Variants in TMEM63A observed in about 807,000 individuals in gnomAD.
The protein encoded by TMEM63A is transmembrane protein 63A, also known as mechanosensitive cation channel TMEM63A.
Under a neutral mutation model 100.6 loss-of-function variants are expected in TMEM63A, and 76 were observed. That is an observed-to-expected ratio of 0.76 (90% CI 0.63 to 0.91). TMEM63A has a LOEUF of 0.91. TMEM63A is among the 40% of genes least tolerant of loss of function. The probability of loss-of-function intolerance (pLI) is 0.00; values close to 1 mark genes in which losing one functional copy is unlikely to be tolerated. For missense variants in TMEM63A, 876 were observed against 1,008.8 expected (o/e 0.87, Z 1.78); for synonymous variants, 401 against 401.1 (o/e 1.00, Z 0.00).
intron 15 of TMEM63A, among the ~76,000 whole-genome samples, chr1:225,858,394 C>T (rs911342164): frequency 6.9e-6 from 1 of 144,494 alleles, no homozygotes; most frequent in Non-Finnish European, 1.5e-5. Context: ...GGTGCAATCT[C>T]GGCTTACTGC....
intron 3 of TMEM63A, among the ~76,000 whole-genome samples, chr1:225,876,674 G>A (rs1157022946): frequency 6.6e-6 from 1 of 150,462 alleles, no homozygotes; most frequent in East Asian, 1.9e-4. Context: ...TTGAGACAGC[G>A]TCTCGCTCTT....
chr1:225,856,693 CAAGAAT>C lies in TMEM63A; in HGVS notation c.1524_1529del (p.Ile508_Leu510delinsMet). Reference sequence around the variant, plus strand: ...AGGGCAGGATCAGCACCATGAAGATCAAGAATATGTAGACTTTGGTCATCATGATCT... The same window carrying C: ...AGGGCAGGATCAGCACCATGAAGATCATGTAGACTTTGGTCATCATGATCT... On this transcript the variant is annotated inframe_deletion, in exon 17 of 25. Transcript: ENST00000366835. 1 of 1,613,760 alleles carries C rather than the reference CAAGAAT, an allele frequency of 6.2e-7. No individual in the cohort carries two copies. Among genetic ancestry groups the C allele is most frequent in the Non-Finnish European group, 8.5e-7 (1 of 1,179,944 alleles).
Position 225,867,248 on chromosome 1 carries a change from T to C in TMEM63A, c.515-85A>G. On this transcript the variant is annotated intron_variant, in intron 7 of 24. Transcript: ENST00000366835. The surrounding 1 kb of genome is among the most constrained non-coding windows in gnomAD (Gnocchi z 4.6). ...ACCAATCAGCCTTGGTTTGTGGAGC[T>C]CTGGGGAGGAGGAGCATGTCTGGAC... 7.2e-7 allele frequency: 1 copy of C among 1,380,558 alleles called. No individual in the cohort carries two copies. Among genetic ancestry groups the C allele is most frequent in the Admixed American group, 1.7e-5 (1 of 59,720 alleles). 85.5% of individuals were successfully genotyped at this position (1,380,558 alleles called of 1,614,324 possible).
At chr1:225,876,474 GCATTTGTGAAAAGAA>G (rs1670808635) in intron 3 of TMEM63A, among the ~76,000 whole-genome samples, 1 of 152,154 alleles carries the variant, frequency 6.6e-6, no homozygotes, top group African/African-American at 2.4e-5. Context: ...CCAGCCCATG[GCATTTGTGAAAAGAA>G]GGGGCACTTT....
intron 24 of TMEM63A, 41 bp downstream of exon 24, chr1:225,846,993 C>T (rs778619879): frequency 7.0e-6 from 11 of 1,566,110 alleles, no homozygotes; most frequent in South Asian, 1.2e-5. Context: ...TGTCTTCTCA[C>T]CCCACAGGCT....
At chr1:225,859,572 A>C (rs1669828812) in intron 14 of TMEM63A, 1 of 567,438 alleles carries the variant, frequency 1.8e-6, no homozygotes, top group African/African-American at 1.9e-5. Flanking sequence ...GGGGGCCAGA[A>C]CCTACCCAAA....
intron 3 of TMEM63A, among the ~76,000 whole-genome samples, chr1:225,876,418 A>G (rs545049390): frequency 2.1e-3 from 320 of 152,230 alleles, no homozygotes; most frequent in Admixed American, 3.8e-3. Context: ...CCCTTCACTC[A>G]GATGGTCTCT....
downstream of TMEM63A, chr1:225,842,480 GCCCTGGTTTGCCCCTGCAGTCATGA>G (rs1420805269): frequency 3.1e-6 from 5 of 1,592,698 alleles, no homozygotes; most frequent in Non-Finnish European, 4.3e-6. Flanking sequence ...GAAAGGTGAG[GCCCTGGTTTGCCCCTGCAGTCATGA>G]CCCTGGTCCC....
At chr1:225,844,560 TCTC>T (rs745827671), downstream of TMEM63A, 107 of 1,614,002 alleles carry the variant, frequency 6.6e-5, 1 homozygote, top group South Asian at 5.5e-5. Flanking sequence ...GGCACCATCA[TCTC>T]CTCCCAGCGC....
Position 225,853,761 on chromosome 1 carries a change from G to A in TMEM63A, c.1665C>T (p.Phe555=). ...ECVFLPDQGA[F]FVNYVIASAF... Reference sequence around the variant, plus strand: ...CCGAGGCGATGACATAGTTCACAAAGAAGGCACCCTGGTCAGGCAGGAAGA... The same window carrying A: ...CCGAGGCGATGACATAGTTCACAAAAAAGGCACCCTGGTCAGGCAGGAAGA... Residue 555 remains phenylalanine, a synonymous_variant, in exon 19 of 25, where the codon TTC becomes TTT. Coordinates refer to ENST00000366835, the MANE Select transcript of TMEM63A (RefSeq NM_014698.3). This position sits in a 1 kb window ranked among gnomAD's most constrained non-coding sequence, Gnocchi z 4.0. 1 of 1,608,540 alleles carries A rather than the reference G, an allele frequency of 6.2e-7. No individual in the cohort carries two copies. Among genetic ancestry groups the A allele is most frequent in the Non-Finnish European group, 8.5e-7 (1 of 1,177,426 alleles).
intron 20 of TMEM63A, among the ~76,000 whole-genome samples, chr1:225,851,056 C>A (rs932342314): frequency 6.6e-6 from 1 of 152,192 alleles, no homozygotes; most frequent in African/African-American, 2.4e-5. Context: ...GTGGGACAGA[C>A]CCTGCACCAA....
At chr1:225,844,356 C>A, downstream of TMEM63A, 2 of 1,321,832 alleles carry the variant, frequency 1.5e-6, no homozygotes, top group Non-Finnish European at 2.2e-6. Context: ...GCCTGTGACA[C>A]GAGGATACCA....
intron 20 of TMEM63A, among the ~76,000 whole-genome samples, chr1:225,850,920 C>T (rs1427074643): frequency 6.6e-6 from 1 of 152,098 alleles, no homozygotes; most frequent in Non-Finnish European, 1.5e-5. Flanking sequence ...ACCATGTTAA[C>T]CAGGATGGTC....
At chr1:225,874,665 A>G (rs563836987) in intron 3 of TMEM63A, among the ~76,000 whole-genome samples, 1 of 152,182 alleles carries the variant, frequency 6.6e-6, no homozygotes, top group African/African-American at 2.4e-5. Flanking sequence ...TCTTGCTCTC[A>G]AGGCAGCGGT....
In TMEM63A at chr1:225,867,403, GT is replaced by G. The variant is rs1353701229; in HGVS notation, c.515-241del. ...TAAAGGCATAATGTGAATTCATTTT[GT>G]TTTGAGAAAACTAAAAACATCCTAT... On this transcript the variant is annotated intron_variant, in intron 7 of 24. Coordinates refer to ENST00000366835, the MANE Select transcript of TMEM63A (RefSeq NM_014698.3). This position sits in a 1 kb window ranked among gnomAD's most constrained non-coding sequence, Gnocchi z 4.6. Among the ~76,000 whole-genome samples, 1 of 152,160 alleles carries G rather than the reference GT, an allele frequency of 6.6e-6. No individual in the cohort carries two copies. The highest frequency in any genetic ancestry group is 1.5e-5 in the Non-Finnish European group (1 of 68,018).
chr1:225,862,826 C>A lies in TMEM63A; in HGVS notation c.772G>T (p.Val258Phe). ...FRDAYPTCEVVDVQLCYNVAK... is the reference protein window; with the variant it reads ...FRDAYPTCEVFDVQLCYNVAK... Reference sequence around the variant, plus strand: ...ACGTTGTAGCACAGCTGCACATCAACCACCTCACACGTGGGATACGCGTCC... The same window carrying A: ...ACGTTGTAGCACAGCTGCACATCAAACACCTCACACGTGGGATACGCGTCC... Residue 258 changes from valine to phenylalanine, a missense_variant, in exon 11 of 25, where the codon GTT (valine) becomes TTT (phenylalanine). By Grantham distance (50) the Val-to-Phe change is conservative. Transcript: ENST00000366835. The surrounding 1 kb of genome is among the most constrained non-coding windows in gnomAD (Gnocchi z 5.1). 6.2e-7 allele frequency: 1 copy of A among 1,613,906 alleles called. No homozygotes were observed. Among genetic ancestry groups the A allele is most frequent in the Non-Finnish European group, 8.5e-7 (1 of 1,179,984 alleles).
chr1:225,881,010 C>G (rs1671061169), intron 1 of TMEM63A, among the ~76,000 whole-genome samples: 1 of 152,242 alleles, frequency 6.6e-6, no homozygotes, highest in Non-Finnish European at 1.5e-5. Context: ...ACAAGCAGCT[C>G]CAGGCCTTCT....
rs1224989597 is a variant in TMEM63A at position 225,865,448 on chromosome 1, C to T, written c.746+449G>A. 1.9e-5 allele frequency: 3 copies of T among 159,568 alleles called. No individual in the cohort carries two copies. 9.9% of individuals were successfully genotyped at this position (159,568 alleles called of 1,614,324 possible). On this transcript the variant is annotated intron_variant, in intron 10 of 24. Coordinates refer to ENST00000366835, the MANE Select transcript of TMEM63A (RefSeq NM_014698.3). This position sits in a 1 kb window ranked among gnomAD's most constrained non-coding sequence, Gnocchi z 4.6. ...AGTGCTCACTCAACAGACACCCGCTCAGTGGGTGGACAAACGAACAAACGC... is the reference window on the plus strand; with the variant it reads ...AGTGCTCACTCAACAGACACCCGCTTAGTGGGTGGACAAACGAACAAACGC...
downstream of TMEM63A, among the ~76,000 whole-genome samples, chr1:225,841,897 C>T (rs1397851275): frequency 6.6e-6 from 1 of 152,236 alleles, no homozygotes; most frequent in Non-Finnish European, 1.5e-5. Flanking sequence ...AGCCAATGCC[C>T]CCAGCCTGTT....
Sources: allele counts gnomAD v4.1 joint callset (sites outside exome capture counted in the v4.1 genomes callset), GRCh38; gene constraint gnomAD v4.1.1; non-coding constraint Gnocchi (gnomAD v3.1); transcripts MANE v1.5; gene names NCBI Gene and HGNC (gene_info 2026-07-23, HGNC 2026-07-21).